The following CFAP92 variants were observed in gnomAD, a reference collection of about 807,000 sequenced individuals.
CFAP92 encodes cilia and flagella associated protein 92 (putative), also known as uncharacterized protein CFAP92.
In CFAP92, 86 loss-of-function variants were observed where a neutral mutation model predicts 106.3. The ratio of observed to expected loss-of-function variants is 0.81; its 90% CI spans 0.68 to 0.97. The LOEUF (loss-of-function observed/expected upper bound fraction) is 0.97. Ranked by LOEUF, CFAP92 falls within the 50% of genes least tolerant of loss-of-function variation. CFAP92 has a pLI of 0.00. For synonymous variants in CFAP92, 477 were observed against 506.4 expected (o/e 0.94, Z 0.78); for missense variants, 1,204 against 1,283.8 (o/e 0.94, Z 0.95).
intron 1 of CFAP92, chr3:129,001,668 G>A (rs1372144286): frequency 1.4e-6 from 2 of 1,426,026 alleles, no homozygotes; most frequent in Admixed American, 5.5e-5. Flanking sequence ...CGGCATGGAG[G>A]GCGCGGGAGG....
chr3:128,985,807 G>A (rs757892142), intron 4 of CFAP92, among the ~76,000 whole-genome samples: 13 of 152,200 alleles, frequency 8.5e-5, no homozygotes, highest in African/African-American at 2.9e-4. Flanking sequence ...GGAAGCCTAC[G>A]ACTTGTAGTG....
At chr3:128,914,798 G>A in intron 15 of CFAP92, 1 of 301,798 alleles carries the variant, frequency 3.3e-6, no homozygotes, top group East Asian at 6.8e-5. Flanking sequence ...ATCAGTCATG[G>A]GTAATAGTGT....
intron 12 of CFAP92, among the ~76,000 whole-genome samples, chr3:128,927,254 C>G (rs559830363): frequency 6.6e-6 from 1 of 151,982 alleles, no homozygotes. Context: ...GTTCCAGCCT[C>G]CAGAATAGTG....
At chr3:128,953,562 A>ACACGGT (rs1294419887) in intron 9 of CFAP92, among the ~76,000 whole-genome samples, 1 of 142,570 alleles carries the variant, frequency 7.0e-6, no homozygotes, top group African/African-American at 2.8e-5. Context: ...AGAAGCAGCA[A>ACACGGT]CACGGTCTCC....
chr3:128,990,095 A>C (rs1193003757), intron 2 of CFAP92, among the ~76,000 whole-genome samples: 2 of 152,284 alleles, frequency 1.3e-5, no homozygotes, highest in Non-Finnish European at 2.9e-5. Context: ...CAACAGAAAA[A>C]CATTTGAAAC....
At chr3:128,991,806 G>A (rs1395913553) in intron 2 of CFAP92, 41 of 989,046 alleles carry the variant, frequency 4.1e-5, no homozygotes, top group Non-Finnish European at 4.6e-5. Context: ...CAGAATACCA[G>A]GAGAAGTTGA....
intron 8 of CFAP92, chr3:128,969,139 C>G (rs1485177742): frequency 6.6e-6 from 1 of 152,056 alleles, no homozygotes; most frequent in Non-Finnish European, 1.5e-5. Flanking sequence ...TCTCCCCACC[C>G]TTGAGAATGT....
chr3:128,921,775 C>T (rs1937308032), intron 12 of CFAP92, among the ~76,000 whole-genome samples: 2 of 152,144 alleles, frequency 1.3e-5, no homozygotes, highest in Admixed American at 6.5e-5. Context: ...AGGGGCCTGC[C>T]TCAGGCCCCT....
chr3:128,996,693 G>A (rs1298576746), upstream of CFAP92, among the ~76,000 whole-genome samples: 2 of 152,210 alleles, frequency 1.3e-5, no homozygotes, highest in Non-Finnish European at 2.9e-5. Context: ...ACCACTCCAT[G>A]CATCAGCTGA....
chr3:128,941,076 C>G (rs1939572376), intron 10 of CFAP92, among the ~76,000 whole-genome samples: 1 of 152,124 alleles, frequency 6.6e-6, no homozygotes, highest in South Asian at 2.1e-4. Flanking sequence ...TTATTTATGT[C>G]TTCCTTAATG....
chr3:128,978,486 G>C (rs1363025648), intron 4 of CFAP92, among the ~76,000 whole-genome samples: 1 of 152,176 alleles, frequency 6.6e-6, no homozygotes, highest in East Asian at 1.9e-4. Flanking sequence ...CCAGCACTTT[G>C]AGAGGCTGAA....
At chr3:129,005,051 CAA>C (rs1488832217), upstream of CFAP92, among the ~76,000 whole-genome samples, 4 of 152,170 alleles carry the variant, frequency 2.6e-5, no homozygotes, top group African/African-American at 9.7e-5. Flanking sequence ...TTTCAAATCA[CAA>C]GTCACCCCTG....
At chr3:128,959,715 C>T (rs1363868887) in intron 9 of CFAP92, among the ~76,000 whole-genome samples, 5 of 152,182 alleles carry the variant, frequency 3.3e-5, no homozygotes, top group South Asian at 2.1e-4. Flanking sequence ...AGAGCACCTG[C>T]GGCATAGTAG....
rs1049278714 is a variant in CFAP92, at chr3:128,978,086, C to G, written c.767G>C (p.Gly256Ala). ...GTGTTTTTCTGTTTTTTCTTGTTTT[C>G]CTGGCGGATGTTCCTGGTTCGACTC... ...REESNQEHPPGKQEKTEKHPK... is the reference protein window; with the variant it reads ...REESNQEHPPAKQEKTEKHPK... Residue 256 changes from glycine to alanine, a missense_variant, in exon 5 of 16, where the codon GGA (glycine) becomes GCA (alanine). Transcript: ENST00000645291. 6.2e-7 allele frequency: 1 copy of G among 1,613,860 alleles called. No individual in the cohort carries two copies. Among genetic ancestry groups the G allele is most frequent in the Non-Finnish European group, 8.5e-7 (1 of 1,179,892 alleles).
intron 9 of CFAP92, among the ~76,000 whole-genome samples, chr3:128,953,620 CCTCCCTCTCCGTCTCCCTCTCCCCACGGT>C (rs1286186907): frequency 1.4e-4 from 17 of 119,512 alleles, no homozygotes; most frequent in East Asian, 7.1e-4. Context: ...TCTCCCTCTC[CCTCCCTCTCCGTCTCCCTCTCCCCACGGT>C]CTCCCTCTCA....
upstream of CFAP92, among the ~76,000 whole-genome samples, chr3:129,003,487 G>C (rs905107325): frequency 6.6e-6 from 1 of 152,016 alleles, no homozygotes; most frequent in East Asian, 1.9e-4. Context: ...GCCGAGAAGA[G>C]TCGCGAGGTT....
At chr3:128,939,502 A>T (rs950150023) in intron 10 of CFAP92, among the ~76,000 whole-genome samples, 1 of 152,170 alleles carries the variant, frequency 6.6e-6, no homozygotes, top group Non-Finnish European at 1.5e-5. Flanking sequence ...GTAAAGTATA[A>T]TTCAATAGTT....
rs1938557347 is a variant in CFAP92, at chr3:128,932,924, T to C, written c.2527A>G (p.Met843Val). Residue 843 changes from methionine (M) to valine (V), a missense_variant, in exon 12 of 16, where the codon ATG becomes GTG. Met to Val is a conservative substitution (Grantham distance 21). Transcript: ENST00000645291. ...TVRDLLPSSAMIKDLSQEFGM... is the reference protein window; with the variant it reads ...TVRDLLPSSAVIKDLSQEFGM... ...AACTCTTGGCTCAAGTCTTTTATCA[T>C]AGCAGAGGAGGGCAGCAGGTCCCTC... 2.6e-6 allele frequency: 4 copies of C among 1,536,032 alleles called. No individual in the cohort carries two copies. Among genetic ancestry groups the C allele is most frequent in the Admixed American group, 2.0e-5 (1 of 50,972 alleles).
rs1374803498 is a variant in CFAP92, at chr3:128,993,264, C to G, written c.41G>C (p.Ser14Thr). ...HAWEWEEDPASIEPISSITSF... is the reference protein window; with the variant it reads ...HAWEWEEDPATIEPISSITSF... ...AGTGATGGAGGAGATGGGCTCTATG[C>G]TTGCGGGGTCCTCTTCCCACTCCCA... Residue 14 changes from serine (S) to threonine (T), a missense_variant, in exon 2 of 16, where the codon AGC becomes ACC. Physicochemically the swap from Ser to Thr is moderately conservative, Grantham distance 58 (BLOSUM62 1). Transcript: ENST00000645291. 5 of 1,613,856 alleles carry G rather than the reference C, an allele frequency of 3.1e-6. No homozygotes were observed. The highest frequency in any genetic ancestry group is 4.2e-6 in the Non-Finnish European group (5 of 1,179,854).
Sources: allele counts gnomAD v4.1 joint callset (sites outside exome capture counted in the v4.1 genomes callset), GRCh38; gene constraint gnomAD v4.1.1; transcripts MANE v1.5; gene names NCBI Gene and HGNC (gene_info 2026-07-23, HGNC 2026-07-21).